Variants in PCDHA7 observed in about 807,000 individuals in gnomAD.
PCDHA7 encodes the protein protocadherin alpha 7, also known as protocadherin alpha-7.
PCDHA7 carries 37 observed loss-of-function variants against 57.2 expected under a neutral mutation model. The ratio of observed to expected loss-of-function variants is 0.65; its 90% CI spans 0.50 to 0.85. The LOEUF (loss-of-function observed/expected upper bound fraction) is 0.85. Among genes scored for constraint, PCDHA7 ranks in the 40% least tolerant of loss-of-function variants. The pLI, the probability that PCDHA7 is intolerant of heterozygous loss-of-function variation, is 0.00. For missense variants in PCDHA7, 1,188 were observed against 1,241.8 expected (o/e 0.96, Z 0.65); for synonymous variants, 553 against 558.8 (o/e 0.99, Z 0.15).
chr5:140,909,771 C>T (rs907087409), intron 1 of PCDHA7, among the ~76,000 whole-genome samples: 49 of 152,200 alleles, frequency 3.2e-4, no homozygotes, highest in African/African-American at 1.1e-3. Flanking sequence ...TCCAGGGACC[C>T]ACTGGACCCA....
chr5:140,999,568 G>A (rs1554256885), intron 3 of PCDHA7, among the ~76,000 whole-genome samples: 1 of 152,084 alleles, frequency 6.6e-6, no homozygotes, highest in Non-Finnish European at 1.5e-5. Context: ...TTTGAGAAGA[G>A]ACTATAAAGG....
intron 1 of PCDHA7, among the ~76,000 whole-genome samples, chr5:140,934,327 T>C (rs1379362644): frequency 1.3e-5 from 2 of 152,152 alleles, no homozygotes; most frequent in African/African-American, 4.8e-5. Flanking sequence ...CAATCATGAA[T>C]GTAATAACCA....
chr5:140,944,992 C>T (rs561484046), intron 1 of PCDHA7, among the ~76,000 whole-genome samples: 11 of 152,114 alleles, frequency 7.2e-5, no homozygotes, highest in South Asian at 2.1e-4. Flanking sequence ...ACTTCTGTAA[C>T]GGTTGTGGGT....
chr5:140,836,417 G>A lies in PCDHA7; in HGVS notation c.2034G>A (p.Ala678=), dbSNP rs2150260300. The A allele has an allele frequency of 1.4e-5, 22 of 1,613,704 alleles. No individual in the cohort carries two copies. Among genetic ancestry groups the A allele is most frequent in the African/African-American group, 1.1e-4 (8 of 74,860 alleles). The change falls in exon 1 of 4, where the codon GCG becomes GCA. Residue 678 remains alanine (A), a synonymous_variant. Transcript: ENST00000525929. ...TGGAAAGCGGCCAGGCACCAAAGGC[G>A]TCGTCGCGGGCATCGTTGGGCATTG... The part of the protein sequence containing the change: ...SLVESGQAPK[A]SSRASLGIAG...
At chr5:140,839,307 C>A (rs1554137377) in intron 1 of PCDHA7, among the ~76,000 whole-genome samples, 1 of 151,838 alleles carries the variant, frequency 6.6e-6, no homozygotes, top group African/African-American at 2.4e-5. Flanking sequence ...TTTAAATATC[C>A]TATTTATATT....
intron 1 of PCDHA7, among the ~76,000 whole-genome samples, chr5:140,890,741 A>G (rs1346321522): frequency 2.0e-5 from 3 of 152,132 alleles, no homozygotes; most frequent in African/African-American, 7.2e-5. Flanking sequence ...CTTATATACT[A>G]TTTCTGTCAT....
chr5:140,928,100 T>C (rs1458420006), intron 1 of PCDHA7: 1 of 1,614,090 alleles, frequency 6.2e-7, no homozygotes, highest in African/African-American at 1.3e-5. Context: ...GATGGGCCCC[T>C]GGACCGGGAG....
intron 1 of PCDHA7, chr5:140,876,583 C>T: frequency 1.9e-6 from 3 of 1,614,194 alleles, no homozygotes; most frequent in Non-Finnish European, 2.5e-6. Flanking sequence ...CGTCATTGCC[C>T]TGATTAGCGT....
chr5:140,882,451 G>T (rs2059142751), intron 1 of PCDHA7: 4 of 1,613,922 alleles, frequency 2.5e-6, no homozygotes, highest in African/African-American at 1.3e-5. Flanking sequence ...AGCTGGTGCC[G>T]CGCCTGTTCC....
intron 1 of PCDHA7, among the ~76,000 whole-genome samples, chr5:140,880,522 T>C (rs2058372712): frequency 6.6e-6 from 1 of 152,232 alleles, no homozygotes; most frequent in South Asian, 2.1e-4. Flanking sequence ...CATCTCTCAA[T>C]GTGTGAATCA....
chr5:140,911,473 T>C (rs2075497981), intron 1 of PCDHA7, among the ~76,000 whole-genome samples: 1 of 152,180 alleles, frequency 6.6e-6, no homozygotes, highest in Non-Finnish European at 1.5e-5. Flanking sequence ...GATAAGACTC[T>C]CACTCAGGGC....
Position 140,856,765 on chromosome 5 carries a change from T to C in PCDHA7, c.2355+20027T>C, listed in dbSNP as rs1554149084. On this transcript the variant is annotated intron_variant, in intron 1 of 3. Transcript: ENST00000525929. ...TGTTAGATGCCAATGATAACGCCCCTATCTTTGACAGACCGGTTTATGAAG... is the reference window on the plus strand; with the variant it reads ...TGTTAGATGCCAATGATAACGCCCCCATCTTTGACAGACCGGTTTATGAAG... The C allele has an allele frequency of 2.5e-6, 4 of 1,596,946 alleles. No homozygotes were observed. In the South Asian group the frequency reaches 4.4e-5, roughly 18 times the overall value.
chr5:140,870,085 C>T lies in PCDHA7; in HGVS notation c.2355+33347C>T, dbSNP rs200687541. ...ACAGGCTACAGATAAGGGGACTCCCCCAATGGCAGGTCACTGTACAGTCTG... is the reference window on the plus strand; with the variant it reads ...ACAGGCTACAGATAAGGGGACTCCCTCAATGGCAGGTCACTGTACAGTCTG... On this transcript the variant is annotated intron_variant, in intron 1 of 3. Coordinates refer to ENST00000525929, the MANE Select transcript of PCDHA7 (RefSeq NM_018910.3). 1.7e-4 allele frequency: 271 copies of T among 1,613,744 alleles called. No homozygotes were observed. The highest frequency in any genetic ancestry group is 1.8e-4 in the Non-Finnish European group (215 of 1,179,872).
chr5:140,953,127 G>A (rs909395659), intron 1 of PCDHA7, among the ~76,000 whole-genome samples: 2 of 152,060 alleles, frequency 1.3e-5, no homozygotes, highest in African/African-American at 4.8e-5. Flanking sequence ...GATCTAAACC[G>A]TATCACTGTT....
At chr5:140,870,593 G>C (rs991131905) in intron 1 of PCDHA7, 2 of 1,613,454 alleles carry the variant, frequency 1.2e-6, no homozygotes, top group Admixed American at 3.3e-5. Flanking sequence ...GTGGAGCGGC[G>C]GTTGGGCGAC....
At chr5:140,863,310 G>A (rs2047937786) in intron 1 of PCDHA7, 2 of 1,463,012 alleles carry the variant, frequency 1.4e-6, no homozygotes, top group Non-Finnish European at 1.9e-6. Context: ...CCATCTGCGT[G>A]GTGTCCAGCC....
chr5:140,893,384 G>T (rs2063960240), intron 1 of PCDHA7, among the ~76,000 whole-genome samples: 1 of 152,168 alleles, frequency 6.6e-6, no homozygotes, highest in South Asian at 2.1e-4. Flanking sequence ...ATGGGACAGT[G>T]GCTCATGCCT....
chr5:140,988,299 G>A (rs2097291981), intron 3 of PCDHA7, among the ~76,000 whole-genome samples: 2 of 152,218 alleles, frequency 1.3e-5, no homozygotes, highest in Non-Finnish European at 2.9e-5. Context: ...GCCCAGGAGT[G>A]CCAGCTTGGC....
chr5:140,927,587 T>A, intron 1 of PCDHA7: 18 of 1,614,162 alleles, frequency 1.1e-5, no homozygotes, highest in Non-Finnish European at 1.5e-5. Context: ...AACGCGCCTG[T>A]ATTTGAGCGC....
Sources: gnomAD v4.1 joint callset for allele counts (sites outside exome capture counted in the v4.1 genomes callset) on GRCh38, gnomAD v4.1.1 for gene constraint, MANE v1.5 for transcripts, NCBI Gene and HGNC (gene_info 2026-07-23, HGNC 2026-07-21) for gene names.